Variants in MALRD1 observed in about 807,000 individuals in gnomAD.
The protein encoded by MALRD1 is MAM and LDL receptor class A domain containing 1.
In MALRD1, 247 loss-of-function variants were observed where a neutral mutation model predicts 242.1. The ratio of observed to expected loss-of-function variants is 1.02; its 90% CI spans 0.92 to 1.13. MALRD1 has a LOEUF of 1.13. MALRD1 is among the 50% of genes most tolerant of loss of function. The pLI is 0.00. For synonymous variants in MALRD1, 995 were observed against 866.6 expected (o/e 1.15, Z -2.60); for missense variants, 2,989 against 2,533.1 (o/e 1.18, Z -3.86).
chr10:19,602,969 T>G (rs2131581305), intron 34 of MALRD1, among the ~76,000 whole-genome samples: 1 of 152,330 alleles, frequency 6.6e-6, no homozygotes, highest in South Asian at 2.1e-4. Context: ...TTTTTTCATG[T>G]GTCTGTTGGC....
intron 14 of MALRD1, among the ~76,000 whole-genome samples, chr10:19,191,557 A>G (rs1396984244): frequency 6.6e-6 from 1 of 152,252 alleles, no homozygotes; most frequent in Non-Finnish European, 1.5e-5. Context: ...TCATAGAAGC[A>G]TTATTCACAA....
At chr10:19,309,152 G>C (rs1386282408) in intron 21 of MALRD1, among the ~76,000 whole-genome samples, 2 of 151,474 alleles carry the variant, frequency 1.3e-5, no homozygotes, top group African/African-American at 2.4e-5. Context: ...ATGCTTGCCT[G>C]TTGAATTCAG....
chr10:19,112,059 C>A (rs1836697091), intron 5 of MALRD1, among the ~76,000 whole-genome samples: 1 of 151,938 alleles, frequency 6.6e-6, no homozygotes, highest in African/African-American at 2.4e-5. Flanking sequence ...TCATCAGAAT[C>A]ACATCAGGGA....
intron 18 of MALRD1, among the ~76,000 whole-genome samples, chr10:19,237,614 ATATAATTATATAATTATAATTATATAT>A (rs1244703650): frequency 1.7e-5 from 1 of 57,284 alleles, no homozygotes; most frequent in Non-Finnish European, 3.0e-5. Flanking sequence ...AATTATAATT[ATATAATTATATAATTATAATTATATAT>A]AAATTATTAT....
chr10:19,280,286 C>T, intron 20 of MALRD1, 63 bp downstream of exon 20: 3 of 1,266,712 alleles, frequency 2.4e-6, no homozygotes, highest in Non-Finnish European at 3.1e-6. Flanking sequence ...AGTGTAATCT[C>T]TAAGTAGCAC....
intron 24 of MALRD1, 138 bp downstream of exon 24, chr10:19,331,720 T>G: frequency 1.5e-6 from 1 of 652,948 alleles, no homozygotes; most frequent in Non-Finnish European, 2.6e-6. Flanking sequence ...ACTTGACACA[T>G]TCCCTCCTTT....
chr10:19,714,793 G>A (rs948300898), intron 38 of MALRD1, among the ~76,000 whole-genome samples: 1 of 152,130 alleles, frequency 6.6e-6, no homozygotes, highest in Admixed American at 6.5e-5. Flanking sequence ...TAGGCAAATG[G>A]CCTACAAGGT....
intron 36 of MALRD1, among the ~76,000 whole-genome samples, chr10:19,660,004 G>T (rs1288757566): frequency 6.6e-6 from 1 of 152,110 alleles, no homozygotes; most frequent in African/African-American, 2.4e-5. Context: ...TTAGCTGTAA[G>T]AACTAAATCA....
At chr10:19,653,871 G>T (rs1396664371) in intron 36 of MALRD1, among the ~76,000 whole-genome samples, 1 of 152,094 alleles carries the variant, frequency 6.6e-6, no homozygotes, top group African/African-American at 2.4e-5. Context: ...CTATGATGGA[G>T]AGCTAATTTG....
At chr10:19,627,894 T>C (rs139078169) in intron 36 of MALRD1, among the ~76,000 whole-genome samples, 114 of 150,280 alleles carry the variant, frequency 7.6e-4, no homozygotes, top group African/African-American at 2.7e-3. Flanking sequence ...ATGTAACAGA[T>C]AAACTAGACA....
intron 35 of MALRD1, 151 bp from the exon 36 acceptor site, chr10:19,615,706 A>C (rs1839122488): frequency 1.6e-6 from 1 of 608,726 alleles, no homozygotes; most frequent in Non-Finnish European, 2.7e-6. Flanking sequence ...GAGTACAGGA[A>C]AGTAGCCTAT....
intron 18 of MALRD1, among the ~76,000 whole-genome samples, chr10:19,256,231 C>T (rs1332075082): frequency 6.6e-6 from 1 of 152,024 alleles, no homozygotes; most frequent in Non-Finnish European, 1.5e-5. Flanking sequence ...GTGGGATTTA[C>T]ATGTATGGGT....
intron 21 of MALRD1, among the ~76,000 whole-genome samples, chr10:19,292,749 C>T (rs576410589): frequency 5.3e-5 from 8 of 151,914 alleles, no homozygotes; most frequent in South Asian, 2.1e-4. Context: ...AAAAATTAGC[C>T]GGGCATGGTG....
At chr10:19,372,961 C>T (rs1845442610) in intron 26 of MALRD1, among the ~76,000 whole-genome samples, 1 of 151,948 alleles carries the variant, frequency 6.6e-6, no homozygotes, top group African/African-American at 2.4e-5. Flanking sequence ...TTATATTCCT[C>T]ATAAATAATC....
chr10:19,237,268 C>A (rs1276475962), intron 18 of MALRD1, among the ~76,000 whole-genome samples: 2 of 151,340 alleles, frequency 1.3e-5, no homozygotes, highest in African/African-American at 4.8e-5. Context: ...TAACTGTTAA[C>A]CAGTCTCCCT....
At chr10:19,243,460 A>C (rs994865819) in intron 18 of MALRD1, among the ~76,000 whole-genome samples, 2 of 152,176 alleles carry the variant, frequency 1.3e-5, no homozygotes, top group African/African-American at 4.8e-5. Flanking sequence ...CATAGATTTT[A>C]CAGGATAAAT....
intron 31 of MALRD1, among the ~76,000 whole-genome samples, chr10:19,519,859 A>G (rs1330444463): frequency 6.6e-6 from 1 of 152,220 alleles, no homozygotes; most frequent in African/African-American, 2.4e-5. Flanking sequence ...AAAGACTATT[A>G]AACGGTCTAC....
At chr10:19,292,478 A>C (rs1841488777) in intron 21 of MALRD1, among the ~76,000 whole-genome samples, 1 of 152,194 alleles carries the variant, frequency 6.6e-6, no homozygotes, top group Admixed American at 6.5e-5. Context: ...TTAAAAAAAA[A>C]CACTGATCGT....
chr10:19,377,099 T>A (rs1027431908), intron 26 of MALRD1, among the ~76,000 whole-genome samples: 3 of 152,174 alleles, frequency 2.0e-5, no homozygotes, highest in Non-Finnish European at 4.4e-5. Context: ...TTACCACATA[T>A]CATGCTGAGG....
Sources: allele counts gnomAD v4.1 joint callset (sites outside exome capture counted in the v4.1 genomes callset), GRCh38; gene constraint gnomAD v4.1.1; transcripts MANE v1.5; gene names NCBI Gene and HGNC (gene_info 2026-07-23, HGNC 2026-07-21).